ELSPBP1: variants seen among roughly 807,000 people sequenced by gnomAD.
ELSPBP1 encodes the protein epididymal sperm-binding protein 1.
A neutral mutation model predicts 33.3 loss-of-function variants in ELSPBP1; 38 were observed. The ratio of observed to expected loss-of-function variants is 1.14; its 90% CI spans 0.88 to 1.50. The LOEUF (loss-of-function observed/expected upper bound fraction) is 1.50, where lower values mean the gene tolerates loss of function less well. ELSPBP1 is among the 40% of genes most tolerant of loss of function. The probability of loss-of-function intolerance (pLI) is 0.00; values close to 1 mark genes in which losing one functional copy is unlikely to be tolerated. For synonymous variants in ELSPBP1, 85 were observed against 94.1 expected (o/e 0.90, Z 0.56); for missense variants, 267 against 263.5 (o/e 1.01, Z -0.09).
At chr19:48,024,018 G>T (rs1003128091) in intron 6 of ELSPBP1, among the ~76,000 whole-genome samples, 1 of 148,920 alleles carries the variant, frequency 6.7e-6, no homozygotes, top group Non-Finnish European at 1.5e-5. Context: ...TTACAGGGGT[G>T]TGCCACCATG....
At chr19:48,015,318 G>A (rs1479529143) in intron 3 of ELSPBP1, among the ~76,000 whole-genome samples, 2 of 151,998 alleles carry the variant, frequency 1.3e-5, no homozygotes, top group Admixed American at 6.6e-5. Flanking sequence ...AGGTGGAAGG[G>A]GAGGCAGGAG....
chr19:47,997,096 A>G (rs919471992), intron 1 of ELSPBP1, among the ~76,000 whole-genome samples: 6 of 152,074 alleles, frequency 3.9e-5, no homozygotes, highest in African/African-American at 1.4e-4. Context: ...GCACCACTGA[A>G]ACATCCACAC....
At chr19:48,018,460 CCAT>C in intron 4 of ELSPBP1, among the ~76,000 whole-genome samples, 1 of 152,146 alleles carries the variant, frequency 6.6e-6, no homozygotes, top group African/African-American at 2.4e-5. Flanking sequence ...GTTTCCCTTA[CCAT>C]CTATGTGATC....
chr19:48,005,572 T>C (rs1399615269), intron 1 of ELSPBP1, among the ~76,000 whole-genome samples: 1 of 152,214 alleles, frequency 6.6e-6, no homozygotes, highest in East Asian at 1.9e-4. Flanking sequence ...GAATTTGAGA[T>C]GCTTGAAGGA....
chr19:48,017,112 C>T (rs1600110467), intron 4 of ELSPBP1, among the ~76,000 whole-genome samples: 1 of 152,294 alleles, frequency 6.6e-6, no homozygotes, highest in Non-Finnish European at 1.5e-5. Flanking sequence ...GAGCCCTTCC[C>T]AAGGTCACAG....
chr19:48,017,066 G>A (rs10414924), intron 4 of ELSPBP1, among the ~76,000 whole-genome samples: 25,253 of 151,806 alleles, frequency 0.17, 2,160 homozygotes, highest in South Asian at 0.23. Context: ...GCTGCTGCTC[G>A]CCACCACCTG....
chr19:48,017,376 C>T (rs1053580048), intron 4 of ELSPBP1, among the ~76,000 whole-genome samples: 7 of 152,206 alleles, frequency 4.6e-5, no homozygotes, highest in African/African-American at 1.7e-4. Context: ...ATAAACAAAA[C>T]TTAACCTTAA....
chr19:48,011,544 AATG>A lies in ELSPBP1; in HGVS notation c.71-2616_71-2614del, dbSNP rs568754070. Among the ~76,000 whole-genome samples, 369 of 152,000 alleles carry A rather than the reference AATG, an allele frequency of 2.4e-3. No individual in the cohort carries two copies. Among genetic ancestry groups the A allele is most frequent in the South Asian group, 0.013 (61 of 4,804 alleles). On this transcript the variant is annotated intron_variant, in intron 2 of 6. Coordinates refer to ENST00000339841, the MANE Select transcript of ELSPBP1 (RefSeq NM_022142.5). The surrounding 1 kb of genome is among the most constrained non-coding windows in gnomAD (Gnocchi z 4.5). ...GATGACAATGACTGATAATGATGAC[AATG>A]ATGATGATGACAATGATGATCATCA...
chr19:48,016,576 ATCTC>A (rs1253879625), intron 4 of ELSPBP1, among the ~76,000 whole-genome samples: 3 of 94,136 alleles, frequency 3.2e-5, no homozygotes, highest in Non-Finnish European at 4.3e-5. Context: ...TCCTCCCTTC[ATCTC>A]TCTCTTTCTT....
At chr19:48,005,770 G>A (rs1422918908) in intron 1 of ELSPBP1, among the ~76,000 whole-genome samples, 1 of 152,182 alleles carries the variant, frequency 6.6e-6, no homozygotes, top group Non-Finnish European at 1.5e-5. Flanking sequence ...AACTGAGTCA[G>A]ATTGTTGGAG....
intron 1 of ELSPBP1, among the ~76,000 whole-genome samples, chr19:47,998,472 C>G (rs1368712228): frequency 6.6e-6 from 1 of 151,680 alleles, no homozygotes; most frequent in African/African-American, 2.4e-5. Context: ...CTAATGAGCC[C>G]GGGCATGCGC....
Position 48,015,978 on chromosome 19 carries a change from G to A in ELSPBP1, c.294G>A (p.Leu98=). 1 of 1,614,090 alleles carries A rather than the reference G, an allele frequency of 6.2e-7. No homozygotes were observed. Among genetic ancestry groups the A allele is most frequent in the African/African-American group, 1.3e-5 (1 of 75,062 alleles). Residue 98 remains leucine, a synonymous_variant, in exon 4 of 7, where the codon CTG becomes CTA. Transcript: ENST00000339841. ...CISQGSFLGS[L]WCSVTSVFDE... ...CCCAGGGCAGCTTCTTAGGCAGTCT[G>A]TGGTGCTCAGTCACCTCTGTCTTCG... is the stretch of plus-strand genomic sequence containing the variant.
chr19:48,019,211 TC>T (rs1967172548), intron 4 of ELSPBP1, among the ~76,000 whole-genome samples: 1 of 151,930 alleles, frequency 6.6e-6, no homozygotes, highest in Non-Finnish European at 1.5e-5. Flanking sequence ...ATTGATGGGG[TC>T]TTGGAGTCTC....
rs550450036 is a variant in ELSPBP1, at chr19:48,011,961, C to T, written c.71-2210C>T. On this transcript the variant is annotated intron_variant, in intron 2 of 6. Transcript: ENST00000339841. The surrounding 1 kb of genome is among the most constrained non-coding windows in gnomAD (Gnocchi z 4.5). ...AACTAACAGTTGAGCAAGTTGAGCT[C>T]TCATCCCAGGTCTACAAAAAAAAAG... Among the ~76,000 whole-genome samples, 249 of 152,194 alleles carry T rather than the reference C, an allele frequency of 1.6e-3. No homozygotes were observed. The highest frequency in any genetic ancestry group is 3.1e-3 in the Non-Finnish European group (211 of 68,010).
chr19:48,016,874 C>G (rs1600110285), intron 4 of ELSPBP1, among the ~76,000 whole-genome samples: 1 of 152,142 alleles, frequency 6.6e-6, no homozygotes, highest in African/African-American at 2.4e-5. Context: ...GCTAGGATTA[C>G]AGGCATGAGG....
chr19:48,023,516 T>TGAAGGAAGGGGGG (rs1967233699), intron 6 of ELSPBP1, among the ~76,000 whole-genome samples: 3 of 65,834 alleles, frequency 4.6e-5, no homozygotes, highest in Non-Finnish European at 9.0e-5. Flanking sequence ...AGGAAGGAAA[T>TGAAGGAAGGGGGG]AAGGAAGGAA....
intron 6 of ELSPBP1, among the ~76,000 whole-genome samples, chr19:48,023,488 G>GAGGAGGGAAGGAAGGGAGGAAGGA (rs1967231215): frequency 1.6e-4 from 7 of 44,750 alleles, no homozygotes; most frequent in South Asian, 1.2e-3. Flanking sequence ...GGAGGGAAGG[G>GAGGAGGGAAGGAAGGGAGGAAGGA]AGGGAGGGAA....
chr19:48,006,337 G>A lies in ELSPBP1; in HGVS notation c.-17-2314G>A, dbSNP rs1310916851. On this transcript the variant is annotated intron_variant, in intron 1 of 6. Transcript: ENST00000339841. ...CTGAGGCTTAGAAAATTTAAGGTTGGGCCCAGTGGCTCACGCCTGTAACAC... is the reference window on the plus strand; with the variant it reads ...CTGAGGCTTAGAAAATTTAAGGTTGAGCCCAGTGGCTCACGCCTGTAACAC... 2.6e-5 allele frequency among the ~76,000 whole-genome samples: 4 copies of A among 152,098 alleles called. No homozygotes were observed. In the East Asian group the frequency reaches 5.8e-4, roughly 22 times the overall value.
chr19:48,021,394 A>T (rs1341618414), intron 5 of ELSPBP1, among the ~76,000 whole-genome samples: 2 of 133,204 alleles, frequency 1.5e-5, no homozygotes, highest in African/African-American at 5.6e-5. Flanking sequence ...GTTTACCCAG[A>T]TTTTATTTTT....
Sources: gnomAD v4.1 joint callset for allele counts (sites outside exome capture counted in the v4.1 genomes callset) on GRCh38, gnomAD v4.1.1 for gene constraint, Gnocchi (gnomAD v3.1) non-coding constraint, MANE v1.5 for transcripts, NCBI Gene and HGNC (gene_info 2026-07-23, HGNC 2026-07-21) for gene names.